Variants in ATRNL1 observed in about 807,000 individuals in gnomAD.
ATRNL1 encodes the protein attractin like 1.
A neutral mutation model predicts 182.7 loss-of-function variants in ATRNL1; 95 were observed. That is an observed-to-expected ratio of 0.52 (90% CI 0.44 to 0.62). The LOEUF (loss-of-function observed/expected upper bound fraction) is 0.62, where lower values mean the gene tolerates loss of function less well. Among genes scored for constraint, ATRNL1 ranks in the 20% least tolerant of loss-of-function variants. The pLI is 0.00. For synonymous variants in ATRNL1, 576 were observed against 568.3 expected (o/e 1.01, Z -0.19); for missense variants, 1,471 against 1,679.5 (o/e 0.88, Z 2.17).
At chr10:115,361,059 G>A (rs1323625786) in intron 19 of ATRNL1, among the ~76,000 whole-genome samples, 1 of 151,854 alleles carries the variant, frequency 6.6e-6, no homozygotes, top group Non-Finnish European at 1.5e-5. Flanking sequence ...TCACTGTAAA[G>A]GTGCTATTTT....
chr10:115,495,716 T>C (rs1460927534), intron 24 of ATRNL1, among the ~76,000 whole-genome samples: 1 of 151,456 alleles, frequency 6.6e-6, no homozygotes, highest in African/African-American at 2.4e-5. Flanking sequence ...TTTTTTTTAA[T>C]TTGCTGAGAA....
chr10:115,698,709 C>T (rs925028826), intron 26 of ATRNL1, among the ~76,000 whole-genome samples: 5 of 151,250 alleles, frequency 3.3e-5, no homozygotes, highest in Non-Finnish European at 5.9e-5. Context: ...ACCTGCGAGG[C>T]AGAGGTTGCA....
rs75806042 is a variant in ATRNL1 at position 115,514,341 on chromosome 10, A to G, written c.3655-4922A>G. On this transcript the variant is annotated intron_variant, in intron 24 of 28. Transcript: ENST00000355044. Reference sequence around the variant, plus strand: ...TTTTACATTTGTCTTTATTATGTTTATTAATAGGTAAAGATAGATAATGTA... The same window carrying G: ...TTTTACATTTGTCTTTATTATGTTTGTTAATAGGTAAAGATAGATAATGTA... Among the ~76,000 whole-genome samples, 418 of 151,948 alleles carry G rather than the reference A, an allele frequency of 2.8e-3. 11 individuals carry two copies. In the East Asian group the frequency reaches 0.06, roughly 22 times the overall value.
At chr10:115,272,658 G>T (rs1851920114) in intron 13 of ATRNL1, among the ~76,000 whole-genome samples, 1 of 152,106 alleles carries the variant, frequency 6.6e-6, no homozygotes, top group African/African-American at 2.4e-5. Flanking sequence ...GAGAGAAAAA[G>T]CACCATATAT....
chr10:115,745,730 T>C (rs1386898953), intron 27 of ATRNL1, among the ~76,000 whole-genome samples: 2 of 152,150 alleles, frequency 1.3e-5, no homozygotes, highest in African/African-American at 4.8e-5. Context: ...CAATTACTTT[T>C]GCACCAACCC....
At chr10:115,855,241 G>C (rs1555101565) in intron 28 of ATRNL1, among the ~76,000 whole-genome samples, 1 of 152,032 alleles carries the variant, frequency 6.6e-6, no homozygotes, top group Admixed American at 6.6e-5. Context: ...GTGTAGGTGT[G>C]GTCTGTCATA....
At chr10:115,895,249 T>G (rs1555112230) in intron 28 of ATRNL1, among the ~76,000 whole-genome samples, 1 of 152,188 alleles carries the variant, frequency 6.6e-6, no homozygotes, top group Non-Finnish European at 1.5e-5. Flanking sequence ...AGGTACACAG[T>G]CCAAGGTGGT....
chr10:115,330,534 A>G, intron 18 of ATRNL1, among the ~76,000 whole-genome samples: 1 of 152,022 alleles, frequency 6.6e-6, no homozygotes. Context: ...TTTCTAATTA[A>G]TAAGTTTGCT....
At chr10:115,223,929 A>ATATATTTTT (rs1420143943) in intron 9 of ATRNL1, among the ~76,000 whole-genome samples, 612 of 44,698 alleles carry the variant, frequency 0.014, 28 homozygotes, top group Non-Finnish European at 0.022. Flanking sequence ...ATATATATAT[A>ATATATTTTT]TTTTTTTTTT....
rs537981795 is a variant in ATRNL1 at position 115,559,014 on chromosome 10, T to C, written c.3795+9478T>C. Among the ~76,000 whole-genome samples, 7 of 152,232 alleles carry C rather than the reference T, an allele frequency of 4.6e-5. No homozygotes were observed. In the South Asian group the frequency reaches 1.5e-3, roughly 32 times the overall value. ...ATGGCAAGAAGCTCTTCTCAAGGCA[T>C]AGCAGCCTGATAATAACAGGGACCC... On this transcript the variant is annotated intron_variant, in intron 26 of 28. Transcript: ENST00000355044.
At chr10:115,141,167 G>T (rs1283130369) in intron 5 of ATRNL1, among the ~76,000 whole-genome samples, 3 of 152,060 alleles carry the variant, frequency 2.0e-5, no homozygotes, top group African/African-American at 7.2e-5. Context: ...ATAGTGCATG[G>T]CATGTACTAG....
At chr10:115,196,335 A>G (rs1848359582) in intron 8 of ATRNL1, among the ~76,000 whole-genome samples, 2 of 152,092 alleles carry the variant, frequency 1.3e-5, no homozygotes, top group African/African-American at 2.4e-5. Flanking sequence ...ATCACACTCT[A>G]TTGATTACTG....
intron 25 of ATRNL1, among the ~76,000 whole-genome samples, chr10:115,534,245 C>T (rs1393877383): frequency 6.6e-6 from 1 of 150,654 alleles, no homozygotes; most frequent in Admixed American, 6.6e-5. Flanking sequence ...GTCTAAGTCT[C>T]CTTGCAGGTC....
rs1278758327 is a variant in ATRNL1, at chr10:115,532,894, C to A, written c.3716+13570C>A. On this transcript the variant is annotated intron_variant, in intron 25 of 28. Coordinates refer to ENST00000355044, the MANE Select transcript of ATRNL1 (RefSeq NM_207303.4). ...AATCATGTGGTTTTTGTCTTTGGTT[C>A]TGTTTATATGCTGGATTACATTTAT... Among the ~76,000 whole-genome samples the A allele has an allele frequency of 2.7e-4, 41 of 151,964 alleles. 1 individual carries two copies. Among genetic ancestry groups the A allele is most frequent in the Admixed American group, 2.7e-3 (41 of 15,248 alleles).
At chr10:115,850,449 A>G (rs1308952070) in intron 28 of ATRNL1, among the ~76,000 whole-genome samples, 3 of 152,156 alleles carry the variant, frequency 2.0e-5, no homozygotes, top group African/African-American at 7.2e-5. Context: ...GTGCTCGTCC[A>G]AATATTTAGT....
At chr10:115,791,863 T>C (rs782499896) in intron 27 of ATRNL1, among the ~76,000 whole-genome samples, 1 of 152,188 alleles carries the variant, frequency 6.6e-6, no homozygotes, top group African/African-American at 2.4e-5. Flanking sequence ...CAAATTTTAA[T>C]GAAAATAGGT....
At chr10:115,697,179 C>T (rs1306116184) in intron 26 of ATRNL1, among the ~76,000 whole-genome samples, 1 of 152,008 alleles carries the variant, frequency 6.6e-6, no homozygotes, top group Non-Finnish European at 1.5e-5. Flanking sequence ...AGCTTTTTTT[C>T]ATGTAATTGT....
At chr10:115,605,481 T>C (rs1555017316) in intron 26 of ATRNL1, among the ~76,000 whole-genome samples, 2 of 152,122 alleles carry the variant, frequency 1.3e-5, no homozygotes, top group Non-Finnish European at 2.9e-5. Flanking sequence ...ACATTTATTT[T>C]CATATTTATA....
intron 18 of ATRNL1, among the ~76,000 whole-genome samples, chr10:115,329,725 AAT>A (rs1295529711): frequency 2.0e-5 from 3 of 152,094 alleles, no homozygotes; most frequent in Non-Finnish European, 2.9e-5. Flanking sequence ...ATTTGCGTGC[AAT>A]ATGTTTTTGC....
Sources: allele counts gnomAD v4.1 joint callset (sites outside exome capture counted in the v4.1 genomes callset), GRCh38; gene constraint gnomAD v4.1.1; transcripts MANE v1.5; gene names NCBI Gene and HGNC (gene_info 2026-07-23, HGNC 2026-07-21).